Variants in ZNF141 observed in about 807,000 individuals in gnomAD.
ZNF141 encodes zinc finger protein 141 (clone pHZ-44).
In ZNF141, 7 loss-of-function variants were observed where a neutral mutation model predicts 11.3. The ratio of observed to expected loss-of-function variants is 0.62; its 90% CI spans 0.35 to 1.16. The LOEUF (loss-of-function observed/expected upper bound fraction) is 1.16, where lower values mean the gene tolerates loss of function less well. Ranked by LOEUF, ZNF141 falls within the 50% of genes most tolerant of loss-of-function variation. The pLI is 0.02. For synonymous variants in ZNF141, 183 were observed against 190.7 expected (o/e 0.96, Z 0.33); for missense variants, 535 against 554.0 (o/e 0.97, Z 0.34).
At chr4:372,361 A>G (rs1712110292) in intron 3 of ZNF141, among the ~76,000 whole-genome samples, 1 of 152,242 alleles carries the variant, frequency 6.6e-6, no homozygotes, top group African/African-American at 2.4e-5. Flanking sequence ...GCACAGTGCT[A>G]TATTGGGGAG....
Position 373,058 on chromosome 4 carries a change from C to G in ZNF141, c.621C>G (p.Ala207=). The G allele has an allele frequency of 6.2e-7, 1 of 1,613,220 alleles. No homozygotes were observed. Among genetic ancestry groups the G allele is most frequent in the Admixed American group, 1.7e-5 (1 of 59,946 alleles). ...ACACTTGTGAAGAATGTGGCAAAGC[C>G]TTTAAATGGTCTTTAATATTTAATG... ...KPYTCEECGK[A]FKWSLIFNEH... The change falls in exon 4 of 4, where the codon GCC becomes GCG. Residue 207 remains alanine (A), a synonymous_variant. Transcript: ENST00000240499.
rs184664547 is a variant in ZNF141, at chr4:350,303, G to A, written c.226+5873G>A. The stretch of plus-strand genomic sequence containing the variant: ...TGAGGTTTCACAACCCTAACCATAG[G>A]CAAGCACCTTTCTACTTCTGCTTTC... On this transcript the variant is annotated intron_variant, in intron 3 of 3. Coordinates refer to ENST00000240499, the MANE Select transcript of ZNF141 (RefSeq NM_003441.4). 7.2e-5 allele frequency: 35 copies of A among 483,814 alleles called. No homozygotes were observed. In the East Asian group the frequency reaches 2.1e-3, roughly 29 times the overall value. The allele number at this position is 483,814 out of a possible 1,614,324, so 30.0% of individuals were successfully genotyped here.
chr4:338,298 A>G (rs559404490), intron 1 of ZNF141: 1 of 365,106 alleles, frequency 2.7e-6, no homozygotes, highest in East Asian at 6.9e-5. Context: ...GCTGTGGGAG[A>G]AGCTGTGGTC....
At chr4:358,270 C>G in intron 3 of ZNF141, 2 of 384,254 alleles carry the variant, frequency 5.2e-6, no homozygotes, top group South Asian at 3.7e-5. Context: ...TGACTGCAAC[C>G]TCTACCTCCC....
At chr4:370,831 C>T (rs1347869563) in intron 3 of ZNF141, among the ~76,000 whole-genome samples, 3 of 151,586 alleles carry the variant, frequency 2.0e-5, no homozygotes, top group African/African-American at 7.3e-5. Flanking sequence ...CCCAGGTTCA[C>T]ACCATTCTCC....
At position 374,447 on chromosome 4, in the gene ZNF141, G is replaced by A; in HGVS notation, c.*585G>A. On this transcript the variant is annotated 3_prime_UTR_variant, in exon 4 of 4. Coordinates refer to ENST00000240499, the MANE Select transcript of ZNF141 (RefSeq NM_003441.4). The stretch of plus-strand genomic sequence containing the variant: ...AACATAAGAGAATTTATACCAGAGA[G>A]AAACCCTACACATGTAAAGAATGTG... The A allele has an allele frequency of 2.8e-6, 1 of 353,496 alleles. No individual in the cohort carries two copies. The allele number at this position is 353,496 out of a possible 1,614,324, so 21.9% of individuals were successfully genotyped here. A position where few individuals can be genotyped will look rare whatever the true frequency, so the allele number is the denominator to read the frequency against.
chr4:350,832 C>T (rs573046914), intron 3 of ZNF141, among the ~76,000 whole-genome samples: 4 of 151,868 alleles, frequency 2.6e-5, no homozygotes, highest in East Asian at 1.9e-4. Context: ...CTCCACCTCA[C>T]GGGTTCATGC....
intron 3 of ZNF141, among the ~76,000 whole-genome samples, chr4:367,794 G>A (rs565029373): frequency 8.5e-5 from 13 of 152,094 alleles, no homozygotes; most frequent in South Asian, 6.3e-4. Context: ...AGATTACACC[G>A]CGCCCAGCCA....
chr4:357,841 G>C (rs771383202), intron 3 of ZNF141, among the ~76,000 whole-genome samples: 22 of 151,528 alleles, frequency 1.5e-4, no homozygotes, highest in African/African-American at 1.9e-4. Flanking sequence ...GAGTAGCTGG[G>C]ACTATAGGCG....
chr4:339,694 C>A (rs576663145), intron 1 of ZNF141, among the ~76,000 whole-genome samples: 2 of 152,302 alleles, frequency 1.3e-5, no homozygotes, highest in South Asian at 4.1e-4. Context: ...TCATTTTAAT[C>A]TGTTAACTAG....
chr4:363,713 G>A (rs535023157), intron 3 of ZNF141, among the ~76,000 whole-genome samples: 1 of 151,464 alleles, frequency 6.6e-6, no homozygotes, highest in South Asian at 2.1e-4. Flanking sequence ...AGCCAAGATC[G>A]TGCCACTGTA....
chr4:370,793 C>A (rs1245886449), intron 3 of ZNF141, among the ~76,000 whole-genome samples: 1 of 151,968 alleles, frequency 6.6e-6, no homozygotes, highest in Non-Finnish European at 1.5e-5. Flanking sequence ...TGCAGTGGCA[C>A]AATCTTGGCT....
rs2108658877 is a variant in ZNF141, at chr4:376,880, C to G, written c.*3018C>G. Among the ~76,000 whole-genome samples, 1 of 152,160 alleles carries G rather than the reference C, an allele frequency of 6.6e-6. No homozygotes were observed. The highest frequency in any genetic ancestry group is 3.4e-3 in the Middle Eastern group (1 of 294). On this transcript the variant is annotated 3_prime_UTR_variant, in exon 4 of 4. Coordinates refer to ENST00000240499, the MANE Select transcript of ZNF141 (RefSeq NM_003441.4). ...CTAATGGATTGTCGTTGAGAATCTCCCCATACAAACTCCTTGTTTTTATTT... is the reference window on the plus strand; with the variant it reads ...CTAATGGATTGTCGTTGAGAATCTCGCCATACAAACTCCTTGTTTTTATTT...
chr4:340,187 C>G lies in ZNF141; in HGVS notation c.3+2201C>G, dbSNP rs114724588. ...CTGTCAAGAATTACTAGATGTTATA[C>G]ACAAAGTGCCCACCAGGCTTCGTTT... On this transcript the variant is annotated intron_variant, in intron 1 of 3. Transcript: ENST00000240499. Among the ~76,000 whole-genome samples the G allele has an allele frequency of 5.2e-3, 786 of 152,332 alleles. 6 individuals carry two copies. Among genetic ancestry groups the G allele is most frequent in the African/African-American group, 0.017 (725 of 41,574 alleles).
At position 381,232 on chromosome 4, in the gene ZNF141, C is replaced by G. The variant is rs1163547262; in HGVS notation, c.*7370C>G. Among the ~76,000 whole-genome samples the G allele has an allele frequency of 6.6e-6, 1 of 151,970 alleles. No homozygotes were observed. The highest frequency in any genetic ancestry group is 2.4e-5 in the African/African-American group (1 of 41,358). ...CCTGTTTCTCAGTTTTGCCTAAATG[C>G]TACCAATTATCTTACACTGGCTCCC... On this transcript the variant is annotated 3_prime_UTR_variant, in exon 4 of 4. Coordinates refer to ENST00000240499, the MANE Select transcript of ZNF141 (RefSeq NM_003441.4).
chr4:356,429 G>A (rs965866343), intron 3 of ZNF141, among the ~76,000 whole-genome samples: 7 of 151,212 alleles, frequency 4.6e-5, no homozygotes, highest in Non-Finnish European at 7.4e-5. Context: ...AGATTCAAGC[G>A]ATTCTCCTGC....
At position 384,435 on chromosome 4, in the gene ZNF141, C is replaced by G. The variant is rs1446124595; in HGVS notation, c.*10573C>G. Reference sequence around the variant, plus strand: ...GACCACACCTGCACCACCCATGTAGCTAGCAGGAAGAAATGTGGTTAAGAA... The same window carrying G: ...GACCACACCTGCACCACCCATGTAGGTAGCAGGAAGAAATGTGGTTAAGAA... On this transcript the variant is annotated 3_prime_UTR_variant, in exon 4 of 4. Transcript: ENST00000240499. 2.0e-5 allele frequency: 3 copies of G among 152,182 alleles called. No homozygotes were observed. Among genetic ancestry groups the G allele is most frequent in the African/African-American group, 7.2e-5 (3 of 41,450 alleles). The allele number at this position is 152,182 out of a possible 1,614,324, so 9.4% of individuals were successfully genotyped here. A position where few individuals can be genotyped will look rare whatever the true frequency, so the allele number is the denominator to read the frequency against.
intron 3 of ZNF141, among the ~76,000 whole-genome samples, chr4:350,482 C>G (rs563761929): frequency 6.6e-6 from 1 of 152,192 alleles, no homozygotes; most frequent in Admixed American, 6.5e-5. Context: ...TATTTCATTG[C>G]GTGTATAAGC....
In ZNF141 at chr4:373,137, A is replaced by T; in HGVS notation, c.700A>T (p.Ser234Cys). The part of the protein sequence containing the change: ...EKPFTCEECG[S>C]IFTTSSHFAK... ...ACCTTTTACTTGTGAAGAATGTGGC[A>T]GCATCTTTACCACATCCTCACACTT... The change falls in exon 4 of 4, where the codon AGC becomes TGC. Residue 234 changes from serine (S) to cysteine (C), a missense_variant. Transcript: ENST00000240499. 1 of 1,614,116 alleles carries T rather than the reference A, an allele frequency of 6.2e-7. No homozygotes were observed. The highest frequency in any genetic ancestry group is 1.1e-5 in the South Asian group (1 of 91,084).
Sources: gnomAD v4.1 joint callset for allele counts (sites outside exome capture counted in the v4.1 genomes callset) on GRCh38, gnomAD v4.1.1 for gene constraint, MANE v1.5 for transcripts, NCBI Gene and HGNC (gene_info 2026-07-23, HGNC 2026-07-21) for gene names.